The following PRELID2 variants were observed in gnomAD, a reference collection of about 807,000 sequenced individuals.
PRELID2 encodes the protein PRELI domain containing 2, also known as PRELI domain-containing protein 2.
In PRELID2, 25 loss-of-function variants were observed where a neutral mutation model predicts 28.4. The observed-to-expected ratio is 0.88, with a 90% CI of 0.64 to 1.23. PRELID2 has a LOEUF of 1.23. Ranked by LOEUF, PRELID2 falls within the 50% of genes most tolerant of loss-of-function variation. PRELID2 has a pLI of 0.00. For missense variants in PRELID2, 201 were observed against 214.4 expected (o/e 0.94, Z 0.39); for synonymous variants, 76 against 71.6 (o/e 1.06, Z -0.31).
chr5:145,231,962 T>A, the PRELID2 span, among the ~76,000 whole-genome samples: 1 of 152,086 alleles, frequency 6.6e-6, no homozygotes, highest in Non-Finnish European at 1.5e-5. Context: ...GAATGCTGTA[T>A]TCAGGGAGTA....
chr5:145,597,512 A>T (rs1753326857), intron 1 of PRELID2, among the ~76,000 whole-genome samples: 1 of 152,192 alleles, frequency 6.6e-6, no homozygotes, highest in Non-Finnish European at 1.5e-5. Flanking sequence ...ATAAATGAGT[A>T]TTGGGTTGAA....
the PRELID2 span, among the ~76,000 whole-genome samples, chr5:145,291,211 A>C: frequency 0.41 from 61,730 of 150,612 alleles, 13,901 homozygotes; most frequent in African/African-American, 0.6. Flanking sequence ...GTGTCAGGTG[A>C]CTGTAACTCC....
At chr5:145,372,862 A>G in the PRELID2 span, among the ~76,000 whole-genome samples, 3 of 131,660 alleles carry the variant, frequency 2.3e-5, no homozygotes, top group African/African-American at 5.6e-5. Flanking sequence ...TATTATTATT[A>G]TATTAATATA....
chr5:145,280,385 A>G, the PRELID2 span, among the ~76,000 whole-genome samples: 2 of 152,158 alleles, frequency 1.3e-5, no homozygotes, highest in African/African-American at 4.8e-5. Flanking sequence ...AAAGAAATAC[A>G]CTCTACTCAA....
intron 1 of PRELID2, among the ~76,000 whole-genome samples, chr5:145,544,184 C>T (rs1422541699): frequency 6.6e-6 from 1 of 151,986 alleles, no homozygotes; most frequent in African/African-American, 2.4e-5. Flanking sequence ...ACAGAGTTCA[C>T]GCCCATGTCC....
At chr5:145,319,735 TA>T in the PRELID2 span, among the ~76,000 whole-genome samples, 2 of 151,558 alleles carry the variant, frequency 1.3e-5, no homozygotes, top group African/African-American at 4.9e-5. Flanking sequence ...AAATAATTTT[TA>T]AAAAGTAACT....
chr5:145,229,631 T>C, the PRELID2 span: 2 of 993,908 alleles, frequency 2.0e-6, no homozygotes, highest in South Asian at 2.5e-5. Flanking sequence ...GTGGAGAACA[T>C]CTTCACCAGA....
intron 5 of PRELID2, among the ~76,000 whole-genome samples, chr5:145,794,199 T>C (rs1752584721): frequency 6.6e-6 from 1 of 152,098 alleles, no homozygotes; most frequent in Non-Finnish European, 1.5e-5. Context: ...AATAGACACA[T>C]AGTCTTACAG....
At chr5:145,341,946 C>T in the PRELID2 span, among the ~76,000 whole-genome samples, 1 of 152,168 alleles carries the variant, frequency 6.6e-6, no homozygotes. Flanking sequence ...ATCTTCTCTA[C>T]AGCACATTGT....
chr5:145,704,720 T>G (rs1755497538), intron 1 of PRELID2, among the ~76,000 whole-genome samples: 3 of 152,212 alleles, frequency 2.0e-5, no homozygotes, highest in Admixed American at 2.0e-4. Context: ...GAGTGAAATC[T>G]TGAGAAAGTT....
chr5:145,235,680 G>A, the PRELID2 span, among the ~76,000 whole-genome samples: 1 of 151,950 alleles, frequency 6.6e-6, no homozygotes, highest in Non-Finnish European at 1.5e-5. Context: ...TGGCAGATTT[G>A]CCATCCTAGA....
chr5:145,473,557 T>G (rs1322136995), intron 1 of PRELID2, among the ~76,000 whole-genome samples: 1 of 152,180 alleles, frequency 6.6e-6, no homozygotes, highest in African/African-American at 2.4e-5. Context: ...AGAGCAACAC[T>G]GTTAACACCA....
the PRELID2 span, among the ~76,000 whole-genome samples, chr5:145,456,144 G>A: frequency 6.6e-6 from 1 of 152,188 alleles, no homozygotes; most frequent in Non-Finnish European, 1.5e-5. Context: ...GAGCTATAAG[G>A]AGTTATGGAC....
intron 1 of PRELID2, among the ~76,000 whole-genome samples, chr5:145,680,850 C>G (rs1754918681): frequency 6.6e-6 from 1 of 152,010 alleles, no homozygotes. Context: ...GGAGAAAGTA[C>G]TTTGTTCCAT....
the PRELID2 span, among the ~76,000 whole-genome samples, chr5:145,300,700 C>CT: frequency 0.039 from 5,025 of 128,364 alleles, 149 homozygotes; most frequent in African/African-American, 0.076. Flanking sequence ...TTTTTATTTA[C>CT]TTTTTTTTTT....
the PRELID2 span, among the ~76,000 whole-genome samples, chr5:145,403,784 T>A: frequency 6.6e-6 from 1 of 152,128 alleles, no homozygotes; most frequent in African/African-American, 2.4e-5. Context: ...CAAATGAGAA[T>A]TGGGGGATCC....
chr5:145,819,747 CAG>C (rs1339009688), intron 3 of PRELID2, 196 bp downstream of exon 3: 5 of 595,332 alleles, frequency 8.4e-6, no homozygotes, highest in African/African-American at 3.8e-5. Flanking sequence ...CTTCACAAGA[CAG>C]AGAGACAAAG....
chr5:145,835,034 C>A (rs1455420079), intron 1 of PRELID2, 143 bp downstream of exon 1: 6 of 596,930 alleles, frequency 1.0e-5, no homozygotes, highest in Non-Finnish European at 3.0e-6. Flanking sequence ...GAGGAAATCC[C>A]TCTCGACCCA....
the PRELID2 span, among the ~76,000 whole-genome samples, chr5:145,357,881 C>T: frequency 1.3e-5 from 2 of 151,856 alleles, no homozygotes; most frequent in South Asian, 2.1e-4. Flanking sequence ...TGCTGACATT[C>T]CTTCAATCTG....
Sources: gnomAD v4.1 joint callset for allele counts (sites outside exome capture counted in the v4.1 genomes callset) on GRCh38, gnomAD v4.1.1 for gene constraint, MANE v1.5 for transcripts, NCBI Gene and HGNC (gene_info 2026-07-23, HGNC 2026-07-21) for gene names.